The following PRTFDC1 variants were observed in gnomAD, a reference collection of about 807,000 sequenced individuals.
PRTFDC1 encodes phosphoribosyltransferase domain-containing protein 1.
A neutral mutation model predicts 34.6 loss-of-function variants in PRTFDC1; 38 were observed. The observed-to-expected ratio is 1.10, with a 90% CI of 0.85 to 1.44. The LOEUF (loss-of-function observed/expected upper bound fraction) is 1.44, where lower values mean the gene tolerates loss of function less well. Ranked by LOEUF, PRTFDC1 falls within the 40% of genes most tolerant of loss-of-function variation. The pLI is 0.00. For missense variants in PRTFDC1, 270 were observed against 283.0 expected (o/e 0.95, Z 0.33); for synonymous variants, 93 against 98.1 (o/e 0.95, Z 0.31).
intron 3 of PRTFDC1, among the ~76,000 whole-genome samples, chr10:24,897,418 C>T (rs535899679): frequency 1.8e-4 from 28 of 152,180 alleles, no homozygotes; most frequent in Admixed American, 6.5e-5. Context: ...TCACTGATGG[C>T]TTCTCTTCCC....
intron 3 of PRTFDC1, among the ~76,000 whole-genome samples, chr10:24,921,550 G>A (rs535191376): frequency 4.4e-4 from 67 of 152,052 alleles, no homozygotes; most frequent in African/African-American, 1.6e-3. Flanking sequence ...CCAACTGCTG[G>A]CCTTTTCCTT....
intron 6 of PRTFDC1, among the ~76,000 whole-genome samples, chr10:24,855,687 T>C (rs1228792168): frequency 6.6e-6 from 1 of 152,086 alleles, no homozygotes; most frequent in Non-Finnish European, 1.5e-5. Flanking sequence ...CCCAGCTACT[T>C]GGGAGGCTGA....
intron 3 of PRTFDC1, among the ~76,000 whole-genome samples, chr10:24,898,161 A>T (rs992776375): frequency 7.2e-5 from 11 of 151,940 alleles, no homozygotes; most frequent in African/African-American, 2.4e-4. Context: ...ATGGAAAAGA[A>T]GAGCTGAGGC....
At chr10:24,879,540 G>T (rs1353108564) in intron 3 of PRTFDC1, among the ~76,000 whole-genome samples, 3 of 151,760 alleles carry the variant, frequency 2.0e-5, no homozygotes, top group African/African-American at 7.3e-5. Flanking sequence ...GAGAGATAGG[G>T]TTTCACCATG....
chr10:24,854,177 T>A (rs752999613), intron 7 of PRTFDC1, among the ~76,000 whole-genome samples: 8 of 152,222 alleles, frequency 5.3e-5, no homozygotes, highest in Non-Finnish European at 1.2e-4. Flanking sequence ...AAATTTGTCA[T>A]TGAAGTGAAT....
chr10:24,851,356 A>G, intron 8 of PRTFDC1, 32 bp downstream of exon 8: 1 of 1,586,022 alleles, frequency 6.3e-7, no homozygotes, highest in Non-Finnish European at 8.5e-7. Flanking sequence ...TCTTATAAAA[A>G]GGGCGGTTAG....
At chr10:24,882,879 A>G (rs2132528125) in intron 3 of PRTFDC1, among the ~76,000 whole-genome samples, 1 of 151,678 alleles carries the variant, frequency 6.6e-6, no homozygotes, top group Non-Finnish European at 1.5e-5. Context: ...TGAATTCTGA[A>G]CACCGAAAAT....
chr10:24,946,954 A>G (rs1457297157), intron 1 of PRTFDC1, among the ~76,000 whole-genome samples: 1 of 152,088 alleles, frequency 6.6e-6, no homozygotes, highest in Non-Finnish European at 1.5e-5. Flanking sequence ...TGGGTAATAT[A>G]ATGAGAACCC....
At chr10:24,852,165 T>C (rs549172669) in intron 7 of PRTFDC1, among the ~76,000 whole-genome samples, 3 of 152,034 alleles carry the variant, frequency 2.0e-5, no homozygotes, top group African/African-American at 4.8e-5. Flanking sequence ...GAAAAGATGA[T>C]GATTTTTTGT....
chr10:24,905,488 A>C (rs1312862530), intron 3 of PRTFDC1, among the ~76,000 whole-genome samples: 7 of 151,678 alleles, frequency 4.6e-5, no homozygotes, highest in African/African-American at 1.7e-4. Flanking sequence ...CTTCCAGCTA[A>C]TTTTTGTATT....
intron 3 of PRTFDC1, among the ~76,000 whole-genome samples, chr10:24,903,399 T>C (rs955053892): frequency 6.6e-6 from 1 of 152,202 alleles, no homozygotes; most frequent in Admixed American, 6.5e-5. Flanking sequence ...GTTCGCTTGG[T>C]GGAAAATTCA....
intron 3 of PRTFDC1, among the ~76,000 whole-genome samples, chr10:24,919,622 A>G (rs951871967): frequency 1.3e-5 from 2 of 152,254 alleles, no homozygotes; most frequent in African/African-American, 4.8e-5. Context: ...CAAAAGCACA[A>G]ATTGACAAAT....
chr10:24,908,388 T>G, intron 3 of PRTFDC1: 1 of 1,335,878 alleles, frequency 7.5e-7, no homozygotes, highest in East Asian at 2.3e-5. Flanking sequence ...AAATACATCA[T>G]CCAGCAGACA....
intron 8 of PRTFDC1, among the ~76,000 whole-genome samples, chr10:24,850,647 G>A (rs1158197194): frequency 6.6e-6 from 1 of 152,062 alleles, no homozygotes; most frequent in Admixed American, 6.6e-5. Context: ...TTTAAAGAGG[G>A]GGGAGGGGGA....
At chr10:24,904,097 T>C (rs1290051462) in intron 3 of PRTFDC1, among the ~76,000 whole-genome samples, 1 of 152,188 alleles carries the variant, frequency 6.6e-6, no homozygotes, top group African/African-American at 2.4e-5. Flanking sequence ...ACTGAAAATT[T>C]TAGTCTTTCT....
chr10:24,914,456 A>G (rs1432372886), intron 3 of PRTFDC1, among the ~76,000 whole-genome samples: 2 of 152,186 alleles, frequency 1.3e-5, no homozygotes, highest in African/African-American at 4.8e-5. Flanking sequence ...GAGAAGAAAA[A>G]CACAGAAGAA....
intron 3 of PRTFDC1, among the ~76,000 whole-genome samples, chr10:24,928,481 TTG>T (rs1160637228): frequency 6.6e-6 from 1 of 152,128 alleles, no homozygotes; most frequent in Non-Finnish European, 1.5e-5. Context: ...TCTCGCTCTG[TTG>T]CCCAGGCCGG....
chr10:24,926,214 T>A (rs1848871861), intron 3 of PRTFDC1, among the ~76,000 whole-genome samples: 1 of 152,192 alleles, frequency 6.6e-6, no homozygotes, highest in East Asian at 1.9e-4. Flanking sequence ...TGAAACTTTA[T>A]AAGGATCTTG....
chr10:24,898,625 A>G (rs1279080417), intron 3 of PRTFDC1, among the ~76,000 whole-genome samples: 1 of 152,024 alleles, frequency 6.6e-6, no homozygotes, highest in Non-Finnish European at 1.5e-5. Context: ...CTTTAGGCTC[A>G]CATTCTTGCC....
Sources: gnomAD v4.1 joint callset for allele counts (sites outside exome capture counted in the v4.1 genomes callset) on GRCh38, gnomAD v4.1.1 for gene constraint, MANE v1.5 for transcripts, NCBI Gene and HGNC (gene_info 2026-07-23, HGNC 2026-07-21) for gene names.